The following TENT5C variants were observed in gnomAD, a reference collection of about 807,000 sequenced individuals.
TENT5C encodes the protein terminal nucleotidyltransferase 5C, also known as family with sequence similarity 46 member C.
TENT5C carries 5 observed loss-of-function variants against 22.2 expected under a neutral mutation model. That is an observed-to-expected ratio of 0.22 (90% CI 0.12 to 0.47). The LOEUF is 0.47. Ranked by LOEUF, TENT5C falls within the 20% of genes least tolerant of loss-of-function variation. TENT5C has a pLI of 0.99. For synonymous variants in TENT5C, 199 were observed against 195.4 expected (o/e 1.02, Z -0.15); for missense variants, 364 against 500.9 (o/e 0.73, Z 2.61).
In TENT5C at chr1:117,613,701, CT is replaced by C. The variant is rs538470528; in HGVS notation, c.-28+7549del. Among the ~76,000 whole-genome samples, 13 of 152,264 alleles carry C rather than the reference CT, an allele frequency of 8.5e-5. No homozygotes were observed. In the South Asian group the frequency reaches 2.7e-3, roughly 32 times the overall value. On this transcript the variant is annotated intron_variant, in intron 1 of 1. Coordinates refer to ENST00000369448, the MANE Select transcript of TENT5C (RefSeq NM_017709.4). ...GTGGGAATCTAACCACATTTTTTGA[CT>C]CTAGTAAACATCATTGGTAAATGGC... is the stretch of plus-strand genomic sequence containing the variant.
chr1:117,622,633 G>A (rs1259746405), intron 1 of TENT5C, among the ~76,000 whole-genome samples: 2 of 152,158 alleles, frequency 1.3e-5, no homozygotes, highest in African/African-American at 4.8e-5. Flanking sequence ...AAGTAATAGA[G>A]AATGAGTTTG....
chr1:117,610,157 G>A (rs1427003954), intron 1 of TENT5C, among the ~76,000 whole-genome samples: 1 of 152,030 alleles, frequency 6.6e-6, no homozygotes, highest in African/African-American at 2.4e-5. Context: ...TGGTTTAGGG[G>A]CCCGTAGACA....
At chr1:117,612,465 A>G (rs1267153889) in intron 1 of TENT5C, among the ~76,000 whole-genome samples, 1 of 152,148 alleles carries the variant, frequency 6.6e-6, no homozygotes, top group Admixed American at 6.5e-5. Flanking sequence ...ATCAACAATT[A>G]AGTTTTATCA....
At position 117,626,514 on chromosome 1, in the gene TENT5C, A is replaced by G. The variant is rs937399215; in HGVS notation, c.*2470A>G. On this transcript the variant is annotated 3_prime_UTR_variant, in exon 2 of 2. Coordinates refer to ENST00000369448, the MANE Select transcript of TENT5C (RefSeq NM_017709.4). ...GCACTGACCAAAGCTGTACTTTTAA[A>G]ACACAACCCCTGGGCTAGTGATGTC... 2 of 247,908 alleles carry G rather than the reference A, an allele frequency of 8.1e-6. No individual in the cohort carries two copies. The highest frequency in any genetic ancestry group is 4.4e-5 in the African/African-American group (2 of 45,328). The allele number at this position is 247,908 out of a possible 1,614,324, so 15.4% of individuals were successfully genotyped here. A position where few individuals can be genotyped will look rare whatever the true frequency, so the allele number is the denominator to read the frequency against.
intron 1 of TENT5C, among the ~76,000 whole-genome samples, chr1:117,609,226 A>AATGAAAGCG: frequency 6.6e-6 from 1 of 152,238 alleles, no homozygotes; most frequent in Non-Finnish European, 1.5e-5. Flanking sequence ...TGCAGGCCGC[A>AATGAAAGCG]TAAAGAGGCT....
chr1:117,607,793 G>A (rs1434522894), intron 1 of TENT5C, among the ~76,000 whole-genome samples: 2 of 152,214 alleles, frequency 1.3e-5, no homozygotes, highest in African/African-American at 2.4e-5. Context: ...GGAAAAGGGG[G>A]AGGGGGATGG....
chr1:117,619,727 A>T (rs375602417), intron 1 of TENT5C, among the ~76,000 whole-genome samples: 1 of 145,306 alleles, frequency 6.9e-6, no homozygotes, highest in African/African-American at 2.6e-5. Context: ...GGAGTCCTTC[A>T]TTTTTTTCTT....
rs886572398 is a variant in TENT5C at position 117,623,624 on chromosome 1, G to A, written c.756G>A (p.Val252=). 3 of 1,613,280 alleles carry A rather than the reference G, an allele frequency of 1.9e-6. No individual in the cohort carries two copies. The highest frequency in any genetic ancestry group is 2.5e-6 in the Non-Finnish European group (3 of 1,179,948). ...GGLLKYSNLL[V]RDFRPTDQEE... is the part of the protein sequence containing the mutation. ...TTCTCAAGTACAGCAACCTTCTTGT[G>A]CGGGACTTCAGGCCCACAGACCAGG... Residue 252 remains valine, a synonymous_variant, in exon 2 of 2, where the codon GTG becomes GTA. Coordinates refer to ENST00000369448, the MANE Select transcript of TENT5C (RefSeq NM_017709.4).
chr1:117,612,162 C>CT (rs1293834696), intron 1 of TENT5C, among the ~76,000 whole-genome samples: 1 of 152,180 alleles, frequency 6.6e-6, no homozygotes. Context: ...GGCCAGGGAT[C>CT]TTTGTCTCTT....
intron 1 of TENT5C, among the ~76,000 whole-genome samples, chr1:117,607,689 A>C (rs1489243177): frequency 2.0e-5 from 3 of 152,166 alleles, no homozygotes; most frequent in Non-Finnish European, 4.4e-5. Flanking sequence ...GGGCAGCCGC[A>C]AGAGTGGTAG....
chr1:117,612,765 C>T (rs922879719), intron 1 of TENT5C, among the ~76,000 whole-genome samples: 2 of 152,172 alleles, frequency 1.3e-5, no homozygotes, highest in Non-Finnish European at 2.9e-5. Flanking sequence ...TATGGTCTAA[C>T]GTATGATAAG....
intron 1 of TENT5C, among the ~76,000 whole-genome samples, chr1:117,612,994 G>A (rs535884852): frequency 6.6e-6 from 1 of 152,322 alleles, no homozygotes; most frequent in East Asian, 1.9e-4. Flanking sequence ...TGGATTACGT[G>A]TAAGCTGAGT....
chr1:117,624,847 A>G lies in TENT5C; in HGVS notation c.*803A>G, dbSNP rs769117606. The G allele has an allele frequency of 6.1e-5, 15 of 247,638 alleles. No individual in the cohort carries two copies. Among genetic ancestry groups the G allele is most frequent in the Non-Finnish European group, 1.1e-4 (13 of 118,050 alleles). 15.3% of individuals were successfully genotyped at this position (247,638 alleles called of 1,614,324 possible). A position where few individuals can be genotyped will look rare whatever the true frequency, so the allele number is the denominator to read the frequency against. ...GGATAATTGTAAATAGGAAACATGA[A>G]TGTTCATTTTTTTCTTTAAAGAATT... On this transcript the variant is annotated 3_prime_UTR_variant, in exon 2 of 2. Coordinates refer to ENST00000369448, the MANE Select transcript of TENT5C (RefSeq NM_017709.4).
chr1:117,607,639 G>GT (rs1326143696), intron 1 of TENT5C, among the ~76,000 whole-genome samples: 1 of 152,180 alleles, frequency 6.6e-6, no homozygotes, highest in African/African-American at 2.4e-5. Flanking sequence ...ACCTTTCAAC[G>GT]TGAGTAAATT....
Position 117,624,565 on chromosome 1 carries a change from T to C in TENT5C, c.*521T>C. 4.0e-6 allele frequency: 1 copy of C among 249,734 alleles called. No individual in the cohort carries two copies. The highest frequency in any genetic ancestry group is 6.0e-5 in the East Asian group (1 of 16,560). 15.5% of individuals were successfully genotyped at this position (249,734 alleles called of 1,614,324 possible). On this transcript the variant is annotated 3_prime_UTR_variant, in exon 2 of 2. Transcript: ENST00000369448. ...GGTGCTCTTGTGACTTAATTTTTGT[T>C]CAAGGGACTAAATTGCTTATGTTTA...
intron 1 of TENT5C, among the ~76,000 whole-genome samples, chr1:117,615,821 A>G (rs1457003578): frequency 6.6e-6 from 1 of 152,228 alleles, no homozygotes; most frequent in African/African-American, 2.4e-5. Flanking sequence ...AATCTGCACA[A>G]AAGCAGAGAG....
At chr1:117,609,968 A>T (rs1051910156) in intron 1 of TENT5C, among the ~76,000 whole-genome samples, 4 of 152,096 alleles carry the variant, frequency 2.6e-5, no homozygotes, top group African/African-American at 9.7e-5. Context: ...ATTGACCAAC[A>T]GCTGAAACTC....
chr1:117,618,556 G>A (rs1570861489), intron 1 of TENT5C, among the ~76,000 whole-genome samples: 1 of 151,780 alleles, frequency 6.6e-6, no homozygotes, highest in Non-Finnish European at 1.5e-5. Flanking sequence ...ACTTAATTTT[G>A]TCACATGGAT....
chr1:117,610,998 G>A lies in TENT5C; in HGVS notation c.-28+4845G>A, dbSNP rs190577637. ...ACTGCCCACACCCTCTTCCGTTGCC[G>A]TAAGCATCTCTCAACTTGTTTAGCC... On this transcript the variant is annotated intron_variant, in intron 1 of 1. Transcript: ENST00000369448. Among the ~76,000 whole-genome samples, 26 of 152,282 alleles carry A rather than the reference G, an allele frequency of 1.7e-4. No individual in the cohort carries two copies. The East Asian group carries it at 3.5e-3, about 20-fold the overall frequency.
Sources: gnomAD v4.1 joint callset for allele counts (sites outside exome capture counted in the v4.1 genomes callset) on GRCh38, gnomAD v4.1.1 for gene constraint, MANE v1.5 for transcripts, NCBI Gene and HGNC (gene_info 2026-07-23, HGNC 2026-07-21) for gene names.